Variants in TRPM3 observed in about 807,000 individuals in gnomAD.
The protein encoded by TRPM3 is long transient receptor potential channel 3.
A neutral mutation model predicts 181.2 loss-of-function variants in TRPM3; 77 were observed. The observed-to-expected ratio is 0.42, with a 90% CI of 0.35 to 0.51. TRPM3 has a LOEUF of 0.51. Among genes scored for constraint, TRPM3 ranks in the 20% least tolerant of loss-of-function variants. TRPM3 has a pLI of 0.01. For synonymous variants in TRPM3, 745 were observed against 796.4 expected, an observed-to-expected ratio of 0.94 and a Z score of 1.09; for missense variants, 1,759 against 2,196.7, an observed-to-expected ratio of 0.80 and a Z score of 3.98.
At chr9:70,949,507 G>A (rs879453692) in intron 1 of TRPM3, among the ~76,000 whole-genome samples, 18 of 152,002 alleles carry the variant, frequency 1.2e-4, no homozygotes, top group Non-Finnish European at 2.5e-4. Flanking sequence ...CAAGATCCCA[G>A]AAGGACTTCT....
rs186228663 is a variant in TRPM3 at position 70,651,810 on chromosome 9, G to A, written c.1346-11150C>T. On this transcript the variant is annotated intron_variant, in intron 9 of 25. Transcript: ENST00000677713. ...TTCTTGAAGCTTTCTAGGAGAAGAA[G>A]AGAAGGATGAGTTAGGTAGTCATGT... 1.2e-4 allele frequency among the ~76,000 whole-genome samples: 19 copies of A among 152,062 alleles called. No individual in the cohort carries two copies. In the East Asian group the frequency reaches 3.7e-3, roughly 29 times the overall value.
At chr9:71,274,581 A>G (rs916008973) in intron 1 of TRPM3, among the ~76,000 whole-genome samples, 3 of 152,154 alleles carry the variant, frequency 2.0e-5, no homozygotes, top group Admixed American at 6.5e-5. Flanking sequence ...TAAATAGGAG[A>G]ATTTTCTGCA....
At chr9:71,133,499 A>G (rs1305601368) in intron 1 of TRPM3, among the ~76,000 whole-genome samples, 1 of 141,784 alleles carries the variant, frequency 7.1e-6, no homozygotes, top group Non-Finnish European at 1.5e-5. Context: ...GCATTTCTCC[A>G]TGTTGGTCAG....
At position 70,784,968 on chromosome 9, in the gene TRPM3, T is replaced by C. The variant is rs59225329; in HGVS notation, c.974-689A>G. Among the ~76,000 whole-genome samples, 749 of 152,264 alleles carry C rather than the reference T, an allele frequency of 4.9e-3. 9 individuals carry two copies. Among genetic ancestry groups the C allele is most frequent in the African/African-American group, 0.018 (734 of 41,550 alleles). ...CTTCTGCTTCCCAGGTTCAAGCAAT[T>C]CTCCTGCCTCAGTCTCCCAAGTAGC... On this transcript the variant is annotated intron_variant, in intron 6 of 25. Transcript: ENST00000677713.
chr9:70,913,265 G>A (rs1262274681), intron 1 of TRPM3, among the ~76,000 whole-genome samples: 4 of 152,088 alleles, frequency 2.6e-5, no homozygotes, highest in African/African-American at 4.8e-5. Flanking sequence ...CTACCCGTAC[G>A]CAGAGGTATC....
intron 1 of TRPM3, among the ~76,000 whole-genome samples, chr9:71,351,553 A>G (rs1300784310): frequency 6.6e-6 from 1 of 152,222 alleles, no homozygotes; most frequent in Non-Finnish European, 1.5e-5. Context: ...GAATAAATAA[A>G]TCATTGTCTT....
intron 1 of TRPM3, among the ~76,000 whole-genome samples, chr9:71,248,491 T>C (rs1298208257): frequency 6.6e-6 from 1 of 152,212 alleles, no homozygotes; most frequent in Non-Finnish European, 1.5e-5. Flanking sequence ...AGGATATCTT[T>C]TAGACTCTAC....
intron 1 of TRPM3, among the ~76,000 whole-genome samples, chr9:71,273,910 G>A (rs912786101): frequency 6.6e-6 from 1 of 152,118 alleles, no homozygotes; most frequent in Non-Finnish European, 1.5e-5. Flanking sequence ...CCTCCTCCCT[G>A]AGTAATCCTG....
intron 9 of TRPM3, among the ~76,000 whole-genome samples, chr9:70,642,566 A>T (rs1040097661): frequency 6.6e-6 from 1 of 152,132 alleles, no homozygotes; most frequent in Non-Finnish European, 1.5e-5. Flanking sequence ...ATCCCATACC[A>T]ATTAAATCAT....
At chr9:71,126,577 A>T (rs954840371), upstream of TRPM3, among the ~76,000 whole-genome samples, 2 of 152,188 alleles carry the variant, frequency 1.3e-5, no homozygotes, top group African/African-American at 4.8e-5. Flanking sequence ...TTTCAAACAG[A>T]TTAACTTTTT....
chr9:71,232,542 C>T (rs775253810), intron 1 of TRPM3, among the ~76,000 whole-genome samples: 11 of 130,384 alleles, frequency 8.4e-5, no homozygotes, highest in Non-Finnish European at 1.2e-4. Flanking sequence ...GCTCTGTCGC[C>T]GAGGCTGGAG....
At chr9:71,006,527 C>T (rs987604517) in intron 1 of TRPM3, among the ~76,000 whole-genome samples, 1 of 151,968 alleles carries the variant, frequency 6.6e-6, no homozygotes, top group Non-Finnish European at 1.5e-5. Context: ...TGGAAACAAA[C>T]AAACAAGCAA....
intron 1 of TRPM3, among the ~76,000 whole-genome samples, chr9:71,034,708 T>G (rs2057971660): frequency 1.3e-5 from 2 of 151,944 alleles, no homozygotes; most frequent in African/African-American, 4.8e-5. Flanking sequence ...GGTGGGAGTA[T>G]TTACATCATG....
chr9:71,174,006 T>C (rs959207626), intron 1 of TRPM3, among the ~76,000 whole-genome samples: 12 of 152,108 alleles, frequency 7.9e-5, no homozygotes, highest in Admixed American at 4.6e-4. Context: ...AGAAGAAAAA[T>C]ACTCCAGAAT....
At chr9:70,968,719 T>C (rs1369739221) in intron 1 of TRPM3, among the ~76,000 whole-genome samples, 1 of 152,160 alleles carries the variant, frequency 6.6e-6, no homozygotes, top group Non-Finnish European at 1.5e-5. Context: ...TCTTCGCATA[T>C]ATTTTCTCAT....
chr9:71,281,634 C>T (rs1176946606), intron 1 of TRPM3, among the ~76,000 whole-genome samples: 1 of 152,142 alleles, frequency 6.6e-6, no homozygotes, highest in Non-Finnish European at 1.5e-5. Flanking sequence ...AGGAGTTATA[C>T]TTTTCATATT....
chr9:71,164,804 A>AAC (rs2134737184), intron 1 of TRPM3, among the ~76,000 whole-genome samples: 1 of 152,288 alleles, frequency 6.6e-6, no homozygotes, highest in East Asian at 1.9e-4. Context: ...ATATTCAGAG[A>AAC]TGGTTATTCA....
At chr9:70,590,904 G>A (rs2058009833) in intron 22 of TRPM3, 127 bp downstream of exon 22, 2 of 1,290,752 alleles carry the variant, frequency 1.5e-6, no homozygotes. Flanking sequence ...CTCCAAGATA[G>A]CAAGCTAGGA....
chr9:71,356,815 A>G (rs2091916148), intron 1 of TRPM3, among the ~76,000 whole-genome samples: 1 of 152,096 alleles, frequency 6.6e-6, no homozygotes, highest in African/African-American at 2.4e-5. Flanking sequence ...CGAGCCCCAG[A>G]GAGAGAGATC....
Sources: gnomAD v4.1 joint callset for allele counts (sites outside exome capture counted in the v4.1 genomes callset) on GRCh38, gnomAD v4.1.1 for gene constraint, MANE v1.5 for transcripts, NCBI Gene and HGNC (gene_info 2026-07-23, HGNC 2026-07-21) for gene names.